KRT4: variants seen among roughly 807,000 people sequenced by gnomAD.
KRT4 encodes the protein keratin 4.
A neutral mutation model predicts 50.6 loss-of-function variants in KRT4; 47 were observed. The ratio of observed to expected loss-of-function variants is 0.93; its 90% CI spans 0.73 to 1.18. KRT4 has a LOEUF of 1.18. Among genes scored for constraint, KRT4 ranks in the 50% most tolerant of loss-of-function variants. The pLI, the probability that KRT4 is intolerant of heterozygous loss-of-function variation, is 0.00. For missense variants in KRT4, 651 were observed against 645.7 expected (o/e 1.01, Z -0.09); for synonymous variants, 254 against 251.2 (o/e 1.01, Z -0.10).
Position 52,807,531 on chromosome 12 carries a change from G to A in KRT4, c.1346+113C>T, listed in dbSNP as rs987706820. On this transcript the variant is annotated intron_variant, in intron 7 of 8. Coordinates refer to ENST00000551956, the MANE Select transcript of KRT4 (RefSeq NM_002272.4). ...GTGAACCTATTAGCTGAGCTGTCCTGGTTCGTAATGCACCGGCACAACACT... is the reference window on the plus strand; with the variant it reads ...GTGAACCTATTAGCTGAGCTGTCCTAGTTCGTAATGCACCGGCACAACACT... 2.2e-4 allele frequency: 332 copies of A among 1,485,618 alleles called. 1 individual carries two copies. The highest frequency in any genetic ancestry group is 2.8e-4 in the Non-Finnish European group (297 of 1,066,136). The allele number at this position is 1,485,618 out of a possible 1,614,324, so 92.0% of individuals were successfully genotyped here.
chr12:52,808,946 A>C, intron 4 of KRT4, 96 bp from the exon 5 acceptor site: 1 of 1,314,544 alleles, frequency 7.6e-7, no homozygotes, highest in Non-Finnish European at 1.1e-6. Context: ...CACAATGTGT[A>C]GGAAGGGGAG....
intron 1 of KRT4, among the ~76,000 whole-genome samples, chr12:52,812,816 A>G (rs1435070206): frequency 1.3e-5 from 2 of 152,216 alleles, no homozygotes; most frequent in African/African-American, 4.8e-5. Flanking sequence ...TTCTATTCCA[A>G]AAGTGTTCAT....
At chr12:52,810,611 A>G in intron 3 of KRT4, 145 bp downstream of exon 3, 1 of 709,496 alleles carries the variant, frequency 1.4e-6, no homozygotes. Flanking sequence ...TTGGTTACCC[A>G]CTTTCCTTGA....
chr12:52,809,775 A>G (rs1490233349), intron 3 of KRT4, among the ~76,000 whole-genome samples: 1 of 152,232 alleles, frequency 6.6e-6, no homozygotes, highest in East Asian at 1.9e-4. Context: ...AGGAAAAGAA[A>G]TCATTGTAAC....
rs748433465 is a variant in KRT4 at position 52,809,455 on chromosome 12, G to T, written c.762C>A (p.Asn254Lys). The T allele has an allele frequency of 6.2e-7, 1 of 1,613,880 alleles. No individual in the cohort carries two copies. The highest frequency in any genetic ancestry group is 1.3e-5 in the African/African-American group (1 of 74,918). ...LKKDVDAAYL[N>K]KVELEAKVDS... Reference sequence around the variant, plus strand: ...CCACCTTGGCCTCCAACTCCACCTTGTTCAGGTAGGCAGCATCCACGTCCT... The same window carrying T: ...CCACCTTGGCCTCCAACTCCACCTTTTTCAGGTAGGCAGCATCCACGTCCT... The change falls in exon 4 of 9, where the codon AAC (asparagine) becomes AAA (lysine). Residue 254 changes from asparagine to lysine, a missense_variant. Physicochemically the swap from Asn to Lys is moderately conservative, Grantham distance 94 (BLOSUM62 0). Coordinates refer to ENST00000551956, the MANE Select transcript of KRT4 (RefSeq NM_002272.4).
At position 52,814,024 on chromosome 12, in the gene KRT4, G is replaced by A. The variant is rs1381087134; in HGVS notation, c.35C>T (p.Pro12Leu). ...GGCCGAGCCACAGCTGAAGCCCCGG[G>A]GCCCGCCTCGGACACACTGCTGTCT... ...IARQQCVRGGPRGFSCGSAIV... is the reference protein window; with the variant it reads ...IARQQCVRGGLRGFSCGSAIV... The change falls in exon 1 of 9, where the codon CCC (proline) becomes CTC (leucine). Residue 12 changes from proline (P) to leucine (L), a missense_variant. By Grantham distance (98) the Pro-to-Leu change is moderately conservative (BLOSUM62 -3). Transcript: ENST00000551956. 1 of 1,614,006 alleles carries A rather than the reference G, an allele frequency of 6.2e-7. No homozygotes were observed. Among genetic ancestry groups the A allele is most frequent in the Non-Finnish European group, 8.5e-7 (1 of 1,179,948 alleles).
At chr12:52,808,877 C>A (rs138452989) in intron 4 of KRT4, 27 bp from the exon 5 acceptor site, 19 of 1,613,624 alleles carry the variant, frequency 1.2e-5, no homozygotes, top group East Asian at 1.1e-4. Flanking sequence ...TCACATCAGC[C>A]CCCCCAGGAA....
chr12:52,808,742 A>G lies in KRT4; in HGVS notation c.943T>C (p.Tyr315His). ...DSIIAEVRAQ[Y>H]EEIAQRSKAE... The stretch of plus-strand genomic sequence containing the variant: ...TTGCTCCTCTGGGCAATCTCCTCGT[A>G]CTGGGCACGGACCTCGGCAATAATG... Residue 315 changes from tyrosine to histidine, a missense_variant, in exon 5 of 9, where the codon TAC (tyrosine) becomes CAC (histidine). Physicochemically the swap from Tyr to His is moderately conservative, Grantham distance 83. Coordinates refer to ENST00000551956, the MANE Select transcript of KRT4 (RefSeq NM_002272.4). 6.2e-7 allele frequency: 1 copy of G among 1,614,138 alleles called. No homozygotes were observed. Among genetic ancestry groups the G allele is most frequent in the Non-Finnish European group, 8.5e-7 (1 of 1,180,026 alleles).
chr12:52,814,064 C>T lies in KRT4; in HGVS notation c.-6G>A. The stretch of plus-strand genomic sequence containing the variant: ...CACTGCTGTCTGGCAATCATGGCTG[C>T]AGAGAGCGAGCTGGGAGCTATCAGA... On this transcript the variant is annotated 5_prime_UTR_variant, in exon 1 of 9. Transcript: ENST00000551956. 1.2e-6 allele frequency: 2 copies of T among 1,613,610 alleles called. No homozygotes were observed. Among genetic ancestry groups the T allele is most frequent in the Non-Finnish European group, 1.7e-6 (2 of 1,179,692 alleles).
chr12:52,807,427 G>T, intron 7 of KRT4, 34 bp from the exon 8 acceptor site: 1 of 1,613,832 alleles, frequency 6.2e-7, no homozygotes, highest in South Asian at 1.1e-5. Context: ...GAGCCTCAGG[G>T]AGCACAGAAT....
At chr12:52,811,005 C>T in intron 2 of KRT4, 189 bp from the exon 3 acceptor site, 2 of 603,652 alleles carry the variant, frequency 3.3e-6, no homozygotes, top group Non-Finnish European at 6.0e-6. Flanking sequence ...CCCGTTTAGG[C>T]CAGGGTTTAT....
intron 4 of KRT4, 181 bp downstream of exon 4, chr12:52,809,202 G>C (rs1462929861): frequency 2.9e-6 from 2 of 681,868 alleles, no homozygotes; most frequent in Non-Finnish European, 5.3e-6. Flanking sequence ...ACCACATCTG[G>C]TTCTAAGAAT....
At position 52,808,622 on chromosome 12, in the gene KRT4, T is replaced by C. The variant is rs911756928; in HGVS notation, c.999+64A>G. ...TGGGCTTGAGCTAATGATCACCTGT[T>C]CACAGACATCAAAAGCAGAGCCCCA... On this transcript the variant is annotated intron_variant, in intron 5 of 8. Transcript: ENST00000551956. The C allele has an allele frequency of 7.6e-6, 12 of 1,573,324 alleles. No homozygotes were observed. The African/African-American group carries it at 9.4e-5, about 12-fold the overall frequency.
Position 52,808,397 on chromosome 12 carries a change from A to G in KRT4, c.1022T>C (p.Val341Ala), listed in dbSNP as rs753993978. 7 of 1,613,932 alleles carry G rather than the reference A, an allele frequency of 4.3e-6. No individual in the cohort carries two copies. The highest frequency in any genetic ancestry group is 5.1e-6 in the Non-Finnish European group (6 of 1,180,034). ...CTTCAGGTTGTCACCATGTTGGTCAACCGAGATCTGGAGCTGCTGGACCTA... is the reference window on the plus strand; with the variant it reads ...CTTCAGGTTGTCACCATGTTGGTCAGCCGAGATCTGGAGCTGCTGGACCTA... ...QTKVQQLQIS[V>A]DQHGDNLKNT... Residue 341 changes from valine (V) to alanine (A), a missense_variant, in exon 6 of 9, where the codon GTT (valine) becomes GCT (alanine). Physicochemically the swap from Val to Ala is moderately conservative, Grantham distance 64. Coordinates refer to ENST00000551956, the MANE Select transcript of KRT4 (RefSeq NM_002272.4).
At chr12:52,810,323 G>A (rs369468903) in intron 3 of KRT4, among the ~76,000 whole-genome samples, 27 of 152,150 alleles carry the variant, frequency 1.8e-4, no homozygotes, top group African/African-American at 5.6e-4. Context: ...TGAGGCAGGC[G>A]GATGACCTGA....
Position 52,808,685 on chromosome 12 carries a change from C to T in KRT4, c.999+1G>A. ...TCTCCTGAGAGATCCATACCACCCA[C>T]CTTGGTCTGGTACAGGGCTTCAGCC... On this transcript the variant is annotated splice_donor_variant, in intron 5 of 8. Transcript: ENST00000551956. LOFTEE classifies it high-confidence loss of function. 3 of 1,614,084 alleles carry T rather than the reference C, an allele frequency of 1.9e-6. No individual in the cohort carries two copies. The highest frequency in any genetic ancestry group is 2.5e-6 in the Non-Finnish European group (3 of 1,179,912).
intron 3 of KRT4, 150 bp downstream of exon 3, chr12:52,810,606 T>C (rs1939892960): frequency 1.4e-6 from 1 of 694,824 alleles, no homozygotes; most frequent in Non-Finnish European, 2.6e-6. Context: ...CTGGTTTGGT[T>C]ACCCACTTTC....
rs1592311314 is a variant in KRT4 at position 52,811,937 on chromosome 12, T to C, written c.503A>G (p.Lys168Arg). The C allele has an allele frequency of 6.2e-7, 1 of 1,613,994 alleles. No individual in the cohort carries two copies. Among genetic ancestry groups the C allele is most frequent in the East Asian group, 2.2e-5 (1 of 44,884 alleles). The change falls in exon 2 of 9, where the codon AAA becomes AGA. Residue 168 changes from lysine to arginine, a missense_variant. Transcript: ENST00000551956. Reference sequence around the variant, plus strand: ...CGTCTGCTGCTGGAGCAGGTTCCATTTGGTCTCCAGGACCTTATTCTGTTG... The same window carrying C: ...CGTCTGCTGCTGGAGCAGGTTCCATCTGGTCTCCAGGACCTTATTCTGTTG... ...LEQQNKVLET[K>R]WNLLQQQTTT... is the part of the protein sequence containing the mutation.
At chr12:52,808,637 G>A (rs1299327101) in intron 5 of KRT4, 49 bp downstream of exon 5, 1 of 1,601,608 alleles carries the variant, frequency 6.2e-7, no homozygotes, top group South Asian at 1.1e-5. Context: ...GACATCAAAA[G>A]CAGAGCCCCA....
Sources: allele counts gnomAD v4.1 joint callset (sites outside exome capture counted in the v4.1 genomes callset), GRCh38; gene constraint gnomAD v4.1.1; transcripts MANE v1.5; gene names NCBI Gene and HGNC (gene_info 2026-07-23, HGNC 2026-07-21).